APP: variants seen among roughly 807,000 people sequenced by gnomAD.
APP encodes the protein amyloid beta precursor protein.
APP carries 31 observed loss-of-function variants against 101.4 expected under a neutral mutation model. The ratio of observed to expected loss-of-function variants is 0.31; its 90% CI spans 0.23 to 0.41. The LOEUF is 0.41. Among genes scored for constraint, APP ranks in the 10% least tolerant of loss-of-function variants. The pLI is 1.00. For missense variants in APP, 839 were observed against 1,003.7 expected (o/e 0.84, Z 2.22); for synonymous variants, 366 against 364.4 (o/e 1.00, Z -0.05).
chr21:25,882,692 C>G (rs1447386301), intron 17 of APP, among the ~76,000 whole-genome samples: 2 of 151,946 alleles, frequency 1.3e-5, no homozygotes, highest in Non-Finnish European at 2.9e-5. Flanking sequence ...CTTAACTCTG[C>G]TGAATGAGTA....
At chr21:26,082,954 A>T (rs2061625885) in intron 3 of APP, among the ~76,000 whole-genome samples, 1 of 152,230 alleles carries the variant, frequency 6.6e-6, no homozygotes, top group African/African-American at 2.4e-5. Context: ...GCAATATTTA[A>T]AATTGTTTAA....
intron 14 of APP, among the ~76,000 whole-genome samples, chr21:25,909,563 A>C (rs1700997): frequency 1 from 152,358 of 152,358 alleles, 76,179 homozygotes; most frequent in Non-Finnish European, 1. Flanking sequence ...CCTGGCAATT[A>C]CCAAGGGTTC....
At chr21:25,911,229 G>C (rs998127770) in intron 14 of APP, among the ~76,000 whole-genome samples, 1 of 152,080 alleles carries the variant, frequency 6.6e-6, no homozygotes, top group African/African-American at 2.4e-5. Flanking sequence ...GTTATATAAT[G>C]TACCATTTTA....
intron 17 of APP, 95 bp downstream of exon 17, chr21:25,891,627 A>G (rs1249784863): frequency 3.1e-6 from 4 of 1,284,756 alleles, no homozygotes; most frequent in African/African-American, 2.9e-5. Flanking sequence ...TTCGTTTTTT[A>G]AAAGAGATAC....
At chr21:26,135,344 C>T (rs1021907719) in intron 1 of APP, among the ~76,000 whole-genome samples, 3 of 152,260 alleles carry the variant, frequency 2.0e-5, no homozygotes, top group South Asian at 4.1e-4. Flanking sequence ...ATTATATGCA[C>T]GACTTCTATA....
chr21:25,920,146 G>A (rs2039557823), intron 13 of APP, among the ~76,000 whole-genome samples: 1 of 146,464 alleles, frequency 6.8e-6, no homozygotes, highest in East Asian at 2.0e-4. Context: ...AAGTGAAGGA[G>A]AAATAAAATA....
At chr21:26,060,897 G>A (rs949185308) in intron 3 of APP, among the ~76,000 whole-genome samples, 4 of 152,210 alleles carry the variant, frequency 2.6e-5, no homozygotes, top group African/African-American at 9.7e-5. Flanking sequence ...GTGAGTGACA[G>A]CCAGGACAGG....
chr21:26,081,650 C>A (rs1481603763), intron 3 of APP, among the ~76,000 whole-genome samples: 1 of 152,156 alleles, frequency 6.6e-6, no homozygotes, highest in Non-Finnish European at 1.5e-5. Flanking sequence ...GGCTCAGAGG[C>A]CTGACAGTTA....
chr21:25,956,933 C>T (rs2041347207), intron 11 of APP, among the ~76,000 whole-genome samples: 1 of 152,130 alleles, frequency 6.6e-6, no homozygotes, highest in Admixed American at 6.5e-5. Context: ...GATTCTTACT[C>T]CCCTCTTTAA....
chr21:25,883,686 C>T (rs554452379), intron 17 of APP, among the ~76,000 whole-genome samples: 1 of 152,130 alleles, frequency 6.6e-6, no homozygotes, highest in Non-Finnish European at 1.5e-5. Context: ...GAGGGAGACT[C>T]TGTCTCAAAA....
intron 3 of APP, among the ~76,000 whole-genome samples, chr21:26,084,364 G>C (rs532571026): frequency 7.1e-6 from 1 of 139,968 alleles, no homozygotes; most frequent in Non-Finnish European, 1.5e-5. Context: ...TCAGCCTCCC[G>C]AGTAGCTGGG....
At chr21:25,930,126 T>C (rs1460878144) in intron 13 of APP, among the ~76,000 whole-genome samples, 3 of 152,152 alleles carry the variant, frequency 2.0e-5, no homozygotes, top group African/African-American at 7.2e-5. Context: ...GTAGCAAGAC[T>C]TGCCCACAGC....
intron 8 of APP, among the ~76,000 whole-genome samples, chr21:25,990,446 C>CAAT (rs57980737): frequency 0.39 from 59,442 of 151,868 alleles, 14,873 homozygotes; most frequent in African/African-American, 0.69. Flanking sequence ...GAAGCAATAG[C>CAAT]AATAACTGGC....
intron 11 of APP, among the ~76,000 whole-genome samples, chr21:25,958,443 A>AT (rs562614349): frequency 1.4e-4 from 21 of 152,076 alleles, no homozygotes; most frequent in Non-Finnish European, 2.2e-4. Flanking sequence ...TGCTCAGCTA[A>AT]TTTTTTTGTA....
At chr21:26,162,634 G>T (rs1211653551) in intron 1 of APP, among the ~76,000 whole-genome samples, 7 of 151,380 alleles carry the variant, frequency 4.6e-5, no homozygotes, top group Non-Finnish European at 1.0e-4. Flanking sequence ...ATCTCCAGGG[G>T]GTCAAAATAT....
intron 1 of APP, among the ~76,000 whole-genome samples, chr21:26,120,265 CTT>C (rs1193927227): frequency 6.6e-6 from 1 of 152,120 alleles, no homozygotes; most frequent in Non-Finnish European, 1.5e-5. Context: ...AAGGTAGAAA[CTT>C]TCTCAAGTTG....
intron 5 of APP, among the ~76,000 whole-genome samples, chr21:26,023,131 T>C (rs2044417475): frequency 6.6e-6 from 1 of 152,240 alleles, no homozygotes; most frequent in Non-Finnish European, 1.5e-5. Context: ...TTTAGTTGCG[T>C]ACCCTATGGT....
intron 2 of APP, among the ~76,000 whole-genome samples, chr21:26,111,461 A>G (rs1601490464): frequency 1.3e-5 from 2 of 152,126 alleles, no homozygotes; most frequent in African/African-American, 2.4e-5. Flanking sequence ...TGGAGGGCTG[A>G]GCATGGTGGC....
intron 3 of APP, among the ~76,000 whole-genome samples, chr21:26,081,213 C>A (rs2061591893): frequency 6.6e-6 from 1 of 152,204 alleles, no homozygotes; most frequent in Non-Finnish European, 1.5e-5. Flanking sequence ...ACAGTTGTTT[C>A]TTTACCCACA....
Sources: gnomAD v4.1 joint callset for allele counts (sites outside exome capture counted in the v4.1 genomes callset) on GRCh38, gnomAD v4.1.1 for gene constraint, MANE v1.5 for transcripts, NCBI Gene and HGNC (gene_info 2026-07-23, HGNC 2026-07-21) for gene names.